The following VWA2 variants were observed in gnomAD, a reference collection of about 807,000 sequenced individuals.
VWA2 encodes von Willebrand factor A domain containing 2, also known as von Willebrand factor A domain-containing protein 2.
A neutral mutation model predicts 70.4 loss-of-function variants in VWA2; 73 were observed. The observed-to-expected ratio is 1.04, with a 90% confidence interval of 0.86 to 1.26. VWA2 has a LOEUF of 1.26. Ranked by LOEUF, VWA2 falls within the 50% of genes most tolerant of loss-of-function variation. The probability of loss-of-function intolerance (pLI) is 0.00; values close to 1 mark genes in which losing one functional copy is unlikely to be tolerated. For synonymous variants in VWA2, 407 were observed against 423.3 expected (o/e 0.96, Z 0.47); for missense variants, 1,011 against 998.5 (o/e 1.01, Z -0.17).
Position 114,291,301 on chromosome 10 carries a change from T to C in VWA2, c.*64T>C, listed in dbSNP as rs1238290365. On this transcript the variant is annotated 3_prime_UTR_variant, in exon 14 of 14. Coordinates refer to ENST00000392982, the MANE Select transcript of VWA2 (RefSeq NM_001272046.2). Reference sequence around the variant, plus strand: ...CCTCCCAGCAACTACAGAGAAGGCCTGGGCACTGAAATGGTGCCTACCTTC... The same window carrying C: ...CCTCCCAGCAACTACAGAGAAGGCCCGGGCACTGAAATGGTGCCTACCTTC... 6.6e-7 allele frequency: 1 copy of C among 1,510,432 alleles called. No homozygotes were observed. Among genetic ancestry groups the C allele is most frequent in the African/African-American group, 1.4e-5 (1 of 71,764 alleles). The allele number at this position is 1,510,432 out of a possible 1,614,324, so 93.6% of individuals were successfully genotyped here. A position where few individuals can be genotyped will look rare whatever the true frequency, so the allele number is the denominator to read the frequency against.
Position 114,286,057 on chromosome 10 carries a change from C to A in VWA2, c.1116C>A (p.Ala372=). 6.2e-7 allele frequency: 1 copy of A among 1,614,148 alleles called. No individual in the cohort carries two copies. Among genetic ancestry groups the A allele is most frequent in the South Asian group, 1.1e-5 (1 of 91,078 alleles). The change falls in exon 11 of 14, where the codon GCC becomes GCA. Residue 372 remains alanine, a synonymous_variant. Coordinates refer to ENST00000392982, the MANE Select transcript of VWA2 (RefSeq NM_001272046.2). ...AKVFVKRFVR[A]VLSEDSRARV... ...TCTTCGTGAAGCGGTTTGTGCGGGC[C>A]GTGCTGAGCGAGGACTCTCGGGCCC...
At chr10:114,254,505 T>C (rs539831670) in intron 3 of VWA2, among the ~76,000 whole-genome samples, 1 of 152,214 alleles carries the variant, frequency 6.6e-6, no homozygotes, top group Non-Finnish European at 1.5e-5. Context: ...CTCATCAGTA[T>C]CCCTCCACAT....
Position 114,292,865 on chromosome 10 carries a change from C to T in VWA2, c.*1628C>T, listed in dbSNP as rs1411987304. Among the ~76,000 whole-genome samples, 1 of 152,042 alleles carries T rather than the reference C, an allele frequency of 6.6e-6. No individual in the cohort carries two copies. The highest frequency in any genetic ancestry group is 1.5e-5 in the Non-Finnish European group (1 of 68,014). On this transcript the variant is annotated 3_prime_UTR_variant, in exon 14 of 14. Transcript: ENST00000392982. ...GGATTAGAGGCAGGTGCCACCATGC[C>T]TAGCTAATTTTTGTATTTTTAGTTA...
intron 4 of VWA2, among the ~76,000 whole-genome samples, chr10:114,260,466 C>T (rs2037421413): frequency 6.6e-6 from 1 of 152,204 alleles, no homozygotes; most frequent in African/African-American, 2.4e-5. Context: ...TCTAGCTTGG[C>T]AGGGGCAGGT....
Position 114,290,299 on chromosome 10 carries a change from G to A in VWA2, c.2182G>A (p.Val728Ile), listed in dbSNP as rs45560935. Residue 728 changes from valine to isoleucine, a missense_variant, in exon 13 of 14, where the codon GTC (valine) becomes ATC (isoleucine). Val to Ile is a conservative substitution (Grantham distance 29, BLOSUM62 3). Transcript: ENST00000392982. ...PSPCMNEGSC[V>I]LQNGSYRCKC... ...CCCGTGCATGAATGAGGGCAGCTGC[G>A]TCCTGCAGAATGGGAGCTACCGCTG... 10 of 1,550,480 alleles carry A rather than the reference G, an allele frequency of 6.4e-6. No homozygotes were observed. Among genetic ancestry groups the A allele is most frequent in the Admixed American group, 2.0e-5 (1 of 50,976 alleles).
chr10:114,290,375 G>T lies in VWA2; in HGVS notation c.2248+10G>T. On this transcript the variant is annotated intron_variant, in intron 13 of 13. Transcript: ENST00000392982. ...CCCCACTGCGAGAACCGTGAGTGGA[G>T]CTCTTGCTCTGTATGTGTGAGCCAG... 6.4e-7 allele frequency: 1 copy of T among 1,550,406 alleles called. No homozygotes were observed. Among genetic ancestry groups the T allele is most frequent in the Non-Finnish European group, 8.7e-7 (1 of 1,146,898 alleles).
intron 5 of VWA2, among the ~76,000 whole-genome samples, chr10:114,266,621 C>T (rs1024779021): frequency 2.0e-5 from 3 of 152,134 alleles, no homozygotes; most frequent in African/African-American, 4.8e-5. Flanking sequence ...AACATTGCAC[C>T]CCACGATGAC....
intron 4 of VWA2, among the ~76,000 whole-genome samples, chr10:114,257,746 A>G (rs905570599): frequency 1.1e-4 from 17 of 152,154 alleles, no homozygotes; most frequent in African/African-American, 3.9e-4. Flanking sequence ...GGCTGATGCT[A>G]TTGGGAGCAG....
intron 7 of VWA2, 123 bp downstream of exon 7, chr10:114,278,170 C>A: frequency 3.7e-6 from 5 of 1,355,296 alleles, no homozygotes; most frequent in Non-Finnish European, 4.9e-6. Flanking sequence ...AAACAGAGAC[C>A]GGCAGCCTCC....
intron 1 of VWA2, among the ~76,000 whole-genome samples, chr10:114,242,830 A>G (rs2036997919): frequency 1.3e-5 from 2 of 152,224 alleles, no homozygotes; most frequent in Non-Finnish European, 2.9e-5. Context: ...ATAAACTTTT[A>G]ACATCATTCA....
chr10:114,280,533 G>A (rs1158739407), intron 8 of VWA2, among the ~76,000 whole-genome samples: 4 of 152,082 alleles, frequency 2.6e-5, no homozygotes, highest in East Asian at 1.9e-4. Flanking sequence ...GAGGGAGGTG[G>A]GGGGCAAACT....
intron 2 of VWA2, among the ~76,000 whole-genome samples, chr10:114,253,419 T>C (rs182037784): frequency 2.9e-4 from 40 of 139,914 alleles, no homozygotes; most frequent in African/African-American, 1.1e-3. Flanking sequence ...TTAGTTTTAT[T>C]CTTTGTCTTC....
chr10:114,289,675 G>A (rs373662032), intron 12 of VWA2, 186 bp downstream of exon 12: 3 of 641,760 alleles, frequency 4.7e-6, no homozygotes, highest in Middle Eastern at 3.2e-4. Context: ...CATCCTATTT[G>A]ACATTTAAGG....
intron 7 of VWA2, among the ~76,000 whole-genome samples, chr10:114,278,264 G>T (rs1249138737): frequency 1.3e-5 from 2 of 152,168 alleles, no homozygotes; most frequent in Non-Finnish European, 2.9e-5. Context: ...TGGAGGTAGA[G>T]GGGCCCAGGG....
rs1333098843 is a variant in VWA2 at position 114,247,380 on chromosome 10, C to T, written c.-10-1324C>T. Among the ~76,000 whole-genome samples the T allele has an allele frequency of 2.6e-5, 4 of 152,170 alleles. No individual in the cohort carries two copies. The East Asian group carries it at 7.7e-4, about 29-fold the overall frequency. On this transcript the variant is annotated intron_variant, in intron 1 of 13. Coordinates refer to ENST00000392982, the MANE Select transcript of VWA2 (RefSeq NM_001272046.2). ...CTACCTCCATTTAGGGACTTGCAAC[C>T]TCTGCATCCCAGGTTCAAGTGATTC...
chr10:114,252,588 CA>C (rs2037220817), intron 2 of VWA2, among the ~76,000 whole-genome samples: 1 of 152,068 alleles, frequency 6.6e-6, no homozygotes, highest in Admixed American at 6.5e-5. Context: ...CTGGCAGTTG[CA>C]AACCTTGAGA....
chr10:114,270,525 T>C (rs2037684770), intron 5 of VWA2, among the ~76,000 whole-genome samples: 2 of 152,216 alleles, frequency 1.3e-5, no homozygotes, highest in Non-Finnish European at 2.9e-5. Context: ...TTACCATGGA[T>C]GTAAGGATTA....
chr10:114,239,621 G>T (rs1421995847), intron 1 of VWA2, 52 bp downstream of exon 1: 1 of 152,306 alleles, frequency 6.6e-6, no homozygotes. Flanking sequence ...GCCAGTGCCG[G>T]CTGCCGATGA....
At position 114,292,309 on chromosome 10, in the gene VWA2, A is replaced by G. The variant is rs189909618; in HGVS notation, c.*1072A>G. 3.5e-3 allele frequency among the ~76,000 whole-genome samples: 526 copies of G among 152,040 alleles called. 3 individuals are homozygous for G. Among genetic ancestry groups the G allele is most frequent in the African/African-American group, 0.012 (486 of 41,492 alleles). On this transcript the variant is annotated 3_prime_UTR_variant, in exon 14 of 14. Transcript: ENST00000392982. ...AAAAAAATGTACTTAGGAGGGGTTA[A>G]TTGTGGCGTGTTTATGGAATTCTTT...
Sources: allele counts gnomAD v4.1 joint callset (sites outside exome capture counted in the v4.1 genomes callset), GRCh38; gene constraint gnomAD v4.1.1; transcripts MANE v1.5; gene names NCBI Gene and HGNC (gene_info 2026-07-23, HGNC 2026-07-21).